The following ATP2B1 variants were observed in gnomAD, a reference collection of about 807,000 sequenced individuals.
The protein encoded by ATP2B1 is ATPase plasma membrane Ca2+ transporting 1, also known as plasma membrane calcium-transporting ATPase 1.
ATP2B1 carries 14 observed loss-of-function variants against 124.2 expected under a neutral mutation model. The observed-to-expected ratio is 0.11, with a 90% CI of 0.07 to 0.18. ATP2B1 has a LOEUF of 0.18. ATP2B1 is among the 10% of genes least tolerant of loss of function. The pLI, the probability that ATP2B1 is intolerant of heterozygous loss-of-function variation, is 1.00. For missense variants in ATP2B1, 763 were observed against 1,466.1 expected, an observed-to-expected ratio of 0.52 and a Z score of 7.83; for synonymous variants, 449 against 492.4, an observed-to-expected ratio of 0.91 and a Z score of 1.17.
At chr12:89,650,391 C>T (rs1319527413) in intron 2 of ATP2B1, among the ~76,000 whole-genome samples, 4 of 152,110 alleles carry the variant, frequency 2.6e-5, no homozygotes, top group Non-Finnish European at 5.9e-5. Context: ...CCTACTACGT[C>T]ACTGTGCACT....
chr12:89,667,738 T>C (rs146424750), intron 1 of ATP2B1, among the ~76,000 whole-genome samples: 1 of 152,100 alleles, frequency 6.6e-6, no homozygotes, highest in Non-Finnish European at 1.5e-5. Context: ...AAATCACAGA[T>C]GATACAAACA....
chr12:89,658,545 T>TATGTGCCA (rs1886243388), intron 1 of ATP2B1, among the ~76,000 whole-genome samples: 1 of 151,424 alleles, frequency 6.6e-6, no homozygotes, highest in African/African-American at 2.4e-5. Context: ...TTTTTATTCC[T>TATGTGCCA]ATGTGCCAAT....
chr12:89,643,122 ACACG>A (rs1331804537), intron 2 of ATP2B1, among the ~76,000 whole-genome samples: 18 of 151,030 alleles, frequency 1.2e-4, no homozygotes, highest in Non-Finnish European at 2.4e-4. Flanking sequence ...ATACGTATAT[ACACG>A]TATATATGTA....
intron 20 of ATP2B1, chr12:89,598,789 A>T (rs1199958597): frequency 1.2e-6 from 2 of 1,605,136 alleles, no homozygotes; most frequent in Non-Finnish European, 1.7e-6. Context: ...CAAGAGAGAG[A>T]GAGAACAAGA....
At chr12:89,666,886 C>T (rs548961887) in intron 1 of ATP2B1, among the ~76,000 whole-genome samples, 2 of 152,250 alleles carry the variant, frequency 1.3e-5, no homozygotes, top group African/African-American at 4.8e-5. Context: ...CACTTCCATC[C>T]CCTTTCTCTT....
At chr12:89,673,646 A>G (rs1888259065) in intron 1 of ATP2B1, among the ~76,000 whole-genome samples, 2 of 152,290 alleles carry the variant, frequency 1.3e-5, no homozygotes, top group South Asian at 4.1e-4. Context: ...TTTCATAAGG[A>G]CCCAACATTT....
chr12:89,704,243 G>A (rs61926784), intron 1 of ATP2B1, among the ~76,000 whole-genome samples: 11,070 of 151,808 alleles, frequency 0.073, 556 homozygotes, highest in Middle Eastern at 0.11. Context: ...ACACCCCTAG[G>A]CCAACAGTTC....
intron 1 of ATP2B1, among the ~76,000 whole-genome samples, chr12:89,656,863 TTCCC>T (rs1449607946): frequency 1.3e-5 from 2 of 150,180 alleles, no homozygotes. Context: ...TGTTATTTTT[TTCCC>T]TCCATCTACA....
chr12:89,670,513 G>A (rs1887827077), intron 1 of ATP2B1, among the ~76,000 whole-genome samples: 1 of 151,676 alleles, frequency 6.6e-6, no homozygotes, highest in South Asian at 2.1e-4. Flanking sequence ...GCTGAGGTTT[G>A]GAGTATGAAA....
Position 89,603,022 on chromosome 12 carries a change from C to T in ATP2B1, c.3060+21G>A, listed in dbSNP as rs183272181. ...TCCCATTTAACAGGCAAATTTGAAACTATCTTTTCCAATTACCCACCTGTA... is the reference window on the plus strand; with the variant it reads ...TCCCATTTAACAGGCAAATTTGAAATTATCTTTTCCAATTACCCACCTGTA... On this transcript the variant is annotated intron_variant, in intron 18 of 20. Transcript: ENST00000428670. This position sits in a 1 kb window ranked among gnomAD's most constrained non-coding sequence, Gnocchi z 4.3. 2 of 1,604,786 alleles carry T rather than the reference C, an allele frequency of 1.2e-6. No homozygotes were observed. Among genetic ancestry groups the T allele is most frequent in the Non-Finnish European group, 1.7e-6 (2 of 1,173,240 alleles).
At chr12:89,683,661 G>A (rs1889628205) in intron 1 of ATP2B1, among the ~76,000 whole-genome samples, 1 of 152,136 alleles carries the variant, frequency 6.6e-6, no homozygotes, top group African/African-American at 2.4e-5. Flanking sequence ...GAGAGAACAA[G>A]TCACCCCGAT....
intron 1 of ATP2B1, among the ~76,000 whole-genome samples, chr12:89,678,369 A>G (rs1034622678): frequency 4.6e-5 from 7 of 152,122 alleles, no homozygotes; most frequent in African/African-American, 1.7e-4. Context: ...AGTGAGTGAC[A>G]TTCAGAGGTG....
chr12:89,687,125 G>C (rs957690277), intron 1 of ATP2B1, among the ~76,000 whole-genome samples: 13 of 152,050 alleles, frequency 8.5e-5, no homozygotes, highest in African/African-American at 3.1e-4. Context: ...GGTATTATAA[G>C]CAATCTAGAG....
intron 1 of ATP2B1, among the ~76,000 whole-genome samples, chr12:89,667,014 G>A (rs934597928): frequency 2.0e-5 from 3 of 151,958 alleles, no homozygotes; most frequent in African/African-American, 7.3e-5. Context: ...CAAAAAACAT[G>A]TCTCTCCTGG....
intron 19 of ATP2B1, 41 bp downstream of exon 19, chr12:89,601,285 A>G: frequency 7.4e-7 from 1 of 1,360,392 alleles, no homozygotes; most frequent in Non-Finnish European, 1.0e-6. Context: ...TTAAAAAAAA[A>G]AATCACTTTA....
intron 12 of ATP2B1, among the ~76,000 whole-genome samples, chr12:89,616,448 T>G (rs1226567731): frequency 6.6e-6 from 1 of 152,172 alleles, no homozygotes; most frequent in Admixed American, 6.5e-5. Flanking sequence ...AGAACATTCC[T>G]ATTATCACAG....
chr12:89,630,022 A>G (rs1361453959), intron 6 of ATP2B1, among the ~76,000 whole-genome samples: 3 of 152,236 alleles, frequency 2.0e-5, no homozygotes, highest in Non-Finnish European at 4.4e-5. Context: ...AAAGATTTTG[A>G]TATCTAATGA....
chr12:89,606,098 TCA>T (rs1876803972), intron 15 of ATP2B1, among the ~76,000 whole-genome samples: 2 of 564 alleles, frequency 3.5e-3, no homozygotes, highest in South Asian at 0.17. Context: ...GCATTTACAG[TCA>T]CAGTAAGTCA....
rs980097468 is a variant in ATP2B1 at position 89,692,384 on chromosome 12, C to A, written c.-222+16212G>T. ...GAGAAAAAACAAAATCAATTCCAGGCTGGGACGACTGTGTGGAATCTTCAC... is the reference window on the plus strand; with the variant it reads ...GAGAAAAAACAAAATCAATTCCAGGATGGGACGACTGTGTGGAATCTTCAC... On this transcript the variant is annotated intron_variant, in intron 1 of 20. Coordinates refer to ENST00000428670, the MANE Select transcript of ATP2B1 (RefSeq NM_001366521.1). Among the ~76,000 whole-genome samples, 26 of 152,110 alleles carry A rather than the reference C, an allele frequency of 1.7e-4. 1 individual carries two copies. The highest frequency in any genetic ancestry group is 6.3e-4 in the African/African-American group (26 of 41,420).
Sources: gnomAD v4.1 joint callset for allele counts (sites outside exome capture counted in the v4.1 genomes callset) on GRCh38, gnomAD v4.1.1 for gene constraint, Gnocchi (gnomAD v3.1) non-coding constraint, MANE v1.5 for transcripts, NCBI Gene and HGNC (gene_info 2026-07-23, HGNC 2026-07-21) for gene names.